Variants in NOS1AP observed in about 807,000 individuals in gnomAD.
NOS1AP encodes the protein nitric oxide synthase 1 adaptor protein, also known as carboxyl-terminal PDZ ligand of neuronal nitric oxide synthase protein.
A neutral mutation model predicts 56.2 loss-of-function variants in NOS1AP; 21 were observed. The observed-to-expected ratio is 0.37, with a 90% CI of 0.26 to 0.54. The LOEUF (loss-of-function observed/expected upper bound fraction) is 0.54, where lower values mean the gene tolerates loss of function less well. Ranked by LOEUF, NOS1AP falls within the 20% of genes least tolerant of loss-of-function variation. NOS1AP has a pLI of 0.84. For synonymous variants in NOS1AP, 270 were observed against 274.6 expected (o/e 0.98, Z 0.17); for missense variants, 522 against 657.8 (o/e 0.79, Z 2.26).
intron 1 of NOS1AP, among the ~76,000 whole-genome samples, chr1:162,117,036 C>G (rs886665914): frequency 6.6e-6 from 1 of 152,138 alleles, no homozygotes; most frequent in African/African-American, 2.4e-5. Context: ...TTCTTGAGCT[C>G]TCATGAAGCT....
intron 2 of NOS1AP, among the ~76,000 whole-genome samples, chr1:162,231,058 AACC>A: frequency 6.6e-6 from 1 of 151,876 alleles, no homozygotes; most frequent in African/African-American, 2.4e-5. Flanking sequence ...TTTTTTGAGA[AACC>A]ACTATTTTCC....
intron 8 of NOS1AP, chr1:162,360,747 C>T (rs1657873124): frequency 4.4e-6 from 2 of 453,904 alleles, no homozygotes; most frequent in Non-Finnish European, 8.9e-6. Flanking sequence ...CGCTGGCATG[C>T]ACTGCCCAAG....
chr1:162,265,355 T>G (rs1654389028), intron 2 of NOS1AP, among the ~76,000 whole-genome samples: 1 of 151,484 alleles, frequency 6.6e-6, no homozygotes, highest in Non-Finnish European at 1.5e-5. Context: ...ATTAGGTATA[T>G]CTCCTAATGC....
intron 1 of NOS1AP, among the ~76,000 whole-genome samples, chr1:162,140,093 T>C (rs1649174008): frequency 6.6e-6 from 1 of 152,212 alleles, no homozygotes; most frequent in Admixed American, 6.5e-5. Flanking sequence ...CCTCCCATAG[T>C]GCTGGGTTTA....
chr1:162,311,917 A>G (rs1656044664), intron 4 of NOS1AP, among the ~76,000 whole-genome samples: 1 of 125,206 alleles, frequency 8.0e-6, no homozygotes, highest in Non-Finnish European at 1.7e-5. Flanking sequence ...TGAACTCATC[A>G]TTTTTTATGG....
At chr1:162,296,496 G>A (rs993249523) in intron 3 of NOS1AP, among the ~76,000 whole-genome samples, 13 of 152,114 alleles carry the variant, frequency 8.5e-5, no homozygotes, top group African/African-American at 2.9e-4. Context: ...TTAGTAAGTT[G>A]GTGAAAAGAT....
intron 2 of NOS1AP, 63 bp downstream of exon 2, chr1:162,154,539 T>C: frequency 6.5e-7 from 1 of 1,539,056 alleles, no homozygotes; most frequent in Non-Finnish European, 9.0e-7. Flanking sequence ...CTGGCCCTTC[T>C]AGGTAGGGCT....
chr1:162,171,928 T>G (rs926221520), intron 2 of NOS1AP, among the ~76,000 whole-genome samples: 1 of 152,074 alleles, frequency 6.6e-6, no homozygotes, highest in Non-Finnish European at 1.5e-5. Context: ...ATATATTTCC[T>G]CCTTAAGCCA....
chr1:162,166,253 G>A (rs966050811), intron 2 of NOS1AP, among the ~76,000 whole-genome samples: 1 of 152,192 alleles, frequency 6.6e-6, no homozygotes, highest in Non-Finnish European at 1.5e-5. Flanking sequence ...ATCTGTATAA[G>A]GATGATTCTG....
At chr1:162,135,262 T>A (rs1337070) in intron 1 of NOS1AP, among the ~76,000 whole-genome samples, 35,818 of 152,114 alleles carry the variant, frequency 0.24, 7,855 homozygotes, top group African/African-American at 0.59. Flanking sequence ...CTCAGAGGTA[T>A]TGGTTGCCGG....
chr1:162,331,069 T>C (rs1656751950), intron 4 of NOS1AP, among the ~76,000 whole-genome samples: 1 of 152,136 alleles, frequency 6.6e-6, no homozygotes, highest in Admixed American at 6.5e-5. Context: ...GGAGGAGATG[T>C]CCAGGAAGGT....
chr1:162,154,317 T>G, intron 1 of NOS1AP, 88 bp from the exon 2 acceptor site: 53 of 1,119,030 alleles, frequency 4.7e-5, no homozygotes, highest in Non-Finnish European at 6.6e-5. Context: ...AATGGGCAGA[T>G]GAGCTAGTCC....
intron 1 of NOS1AP, among the ~76,000 whole-genome samples, chr1:162,152,500 G>A (rs527743802): frequency 6.6e-6 from 1 of 152,334 alleles, no homozygotes; most frequent in African/African-American, 2.4e-5. Flanking sequence ...TCGCTGTCTT[G>A]TTGACAGACT....
At chr1:162,309,168 A>C (rs894636748) in intron 4 of NOS1AP, among the ~76,000 whole-genome samples, 1 of 152,258 alleles carries the variant, frequency 6.6e-6, no homozygotes, top group Non-Finnish European at 1.5e-5. Context: ...TTGGGAAATC[A>C]GGATACCCAT....
At chr1:162,303,090 G>A (rs1316138462) in intron 4 of NOS1AP, among the ~76,000 whole-genome samples, 1 of 152,126 alleles carries the variant, frequency 6.6e-6, no homozygotes, top group Admixed American at 6.5e-5. Flanking sequence ...CATTTTGGTG[G>A]TTTCCGGTTT....
At chr1:162,094,410 A>G (rs1357510934) in intron 1 of NOS1AP, among the ~76,000 whole-genome samples, 3 of 152,124 alleles carry the variant, frequency 2.0e-5, no homozygotes, top group Admixed American at 6.5e-5. Context: ...GCTGAGTCAG[A>G]CTCAGTAAAC....
chr1:162,268,311 G>T (rs1233824312), intron 2 of NOS1AP, among the ~76,000 whole-genome samples: 2 of 392 alleles, frequency 5.1e-3, no homozygotes, highest in South Asian at 0.083. Context: ...TGGCCCTGTA[G>T]CTCCCCCCCC....
At chr1:162,365,358 C>T in intron 8 of NOS1AP, 46 bp from the exon 9 acceptor site, 1 of 1,613,186 alleles carries the variant, frequency 6.2e-7, no homozygotes, top group Non-Finnish European at 8.5e-7. Flanking sequence ...TCATGTCCCT[C>T]TCTTCTCTCT....
chr1:162,265,119 T>C (rs1033393467), intron 2 of NOS1AP, among the ~76,000 whole-genome samples: 6 of 152,210 alleles, frequency 3.9e-5, no homozygotes, highest in African/African-American at 1.4e-4. Flanking sequence ...CCGGTCCTCT[T>C]TGCCTACTTT....
Sources: allele counts gnomAD v4.1 joint callset (sites outside exome capture counted in the v4.1 genomes callset), GRCh38; gene constraint gnomAD v4.1.1; transcripts MANE v1.5; gene names NCBI Gene and HGNC (gene_info 2026-07-23, HGNC 2026-07-21).